The following APCDD1 variants were observed in gnomAD, a reference collection of about 807,000 sequenced individuals.
APCDD1 encodes the protein protein APCDD1.
A neutral mutation model predicts 38.1 loss-of-function variants in APCDD1; 15 were observed. The ratio of observed to expected loss-of-function variants is 0.39; its 90% CI spans 0.26 to 0.61. The LOEUF (loss-of-function observed/expected upper bound fraction) is 0.61. Among genes scored for constraint, APCDD1 ranks in the 20% least tolerant of loss-of-function variants. The probability of loss-of-function intolerance (pLI) is 0.49; values close to 1 mark genes in which losing one functional copy is unlikely to be tolerated. For synonymous variants in APCDD1, 261 were observed against 279.7 expected, an observed-to-expected ratio of 0.93 and a Z score of 0.67; for missense variants, 647 against 696.2, an observed-to-expected ratio of 0.93 and a Z score of 0.79.
chr18:10,468,908 T>G (rs1041494607), intron 2 of APCDD1, among the ~76,000 whole-genome samples: 1 of 152,234 alleles, frequency 6.6e-6, no homozygotes, highest in African/African-American at 2.4e-5. Context: ...AATAGATCCT[T>G]GTTTACTGAA....
intron 4 of APCDD1, among the ~76,000 whole-genome samples, chr18:10,487,353 T>C (rs1321536673): frequency 6.6e-6 from 1 of 152,206 alleles, no homozygotes; most frequent in African/African-American, 2.4e-5. Flanking sequence ...TGGTCTGTGT[T>C]GCATGGCCAC....
intron 3 of APCDD1, among the ~76,000 whole-genome samples, chr18:10,482,379 T>G (rs1022578324): frequency 6.6e-6 from 1 of 152,184 alleles, no homozygotes; most frequent in African/African-American, 2.4e-5. Flanking sequence ...CAGCTAGGCT[T>G]TGGGGACCTG....
intron 3 of APCDD1, among the ~76,000 whole-genome samples, chr18:10,473,016 G>C (rs1021656042): frequency 6.6e-6 from 1 of 152,094 alleles, no homozygotes; most frequent in Non-Finnish European, 1.5e-5. Context: ...GTATCTCCCC[G>C]GCCGTCCCCA....
In APCDD1 at chr18:10,468,601, G is replaced by A. The variant is rs2030774342; in HGVS notation, c.191G>A (p.Arg64Lys). The A allele has an allele frequency of 1.2e-6, 2 of 1,614,070 alleles. No individual in the cohort carries two copies. The highest frequency in any genetic ancestry group is 1.7e-6 in the Non-Finnish European group (2 of 1,180,038). Reference sequence around the variant, plus strand: ...CTCAAACATCTCCACAATGGTGCAAGGATCACAGTGCAGATGCCACCTACA... The same window carrying A: ...CTCAAACATCTCCACAATGGTGCAAAGATCACAGTGCAGATGCCACCTACA... Reference protein sequence around the residue: ...HMLKHLHNGARITVQMPPTIE... With the variant: ...HMLKHLHNGAKITVQMPPTIE... Residue 64 changes from arginine to lysine, a missense_variant, in exon 2 of 5, where the codon AGG becomes AAG. Transcript: ENST00000355285.
intron 1 of APCDD1, among the ~76,000 whole-genome samples, chr18:10,464,343 C>CACACAG (rs1432479914): frequency 1.3e-5 from 2 of 149,404 alleles, no homozygotes. Context: ...CACACACACA[C>CACACAG]AGACACACAC....
At chr18:10,479,257 C>T (rs947269078) in intron 3 of APCDD1, among the ~76,000 whole-genome samples, 1 of 152,194 alleles carries the variant, frequency 6.6e-6, no homozygotes, top group South Asian at 2.1e-4. Context: ...GGGAACAAAA[C>T]CCTAGGAAAG....
chr18:10,486,674 T>C (rs1320461821), intron 4 of APCDD1, among the ~76,000 whole-genome samples: 1 of 146,064 alleles, frequency 6.8e-6, no homozygotes, highest in Non-Finnish European at 1.5e-5. Flanking sequence ...GCAGGGCTTG[T>C]GGTTGCTATT....
chr18:10,466,323 G>T (rs1043124958), intron 1 of APCDD1, among the ~76,000 whole-genome samples: 5 of 152,216 alleles, frequency 3.3e-5, no homozygotes, highest in Non-Finnish European at 7.3e-5. Flanking sequence ...AACTAAGGGG[G>T]CGTTCAACAC....
At chr18:10,487,493 C>G in intron 4 of APCDD1, 97 bp from the exon 5 acceptor site, 1 of 1,252,950 alleles carries the variant, frequency 8.0e-7, no homozygotes, top group Non-Finnish European at 1.2e-6. Context: ...GAAAAGAAAG[C>G]CTTGTCTAGT....
At position 10,485,593 on chromosome 18, in the gene APCDD1, G is replaced by A; in HGVS notation, c.906G>A (p.Val302=). Residue 302 remains valine (V), a synonymous_variant, in exon 4 of 5, where the codon GTG becomes GTA. Coordinates refer to ENST00000355285, the MANE Select transcript of APCDD1 (RefSeq NM_153000.5). The surrounding 1 kb of genome is among the most constrained non-coding windows in gnomAD (Gnocchi z 5.8). ...AGTGGGTGAGCCAGCGCTGTGAGGT[G>A]CGCCCCGAAGTCCTCTTCCTCACCC... ...HGEWVSQRCE[V]RPEVLFLTRH... The A allele has an allele frequency of 5.6e-6, 9 of 1,614,046 alleles. No individual in the cohort carries two copies. Among genetic ancestry groups the A allele is most frequent in the Non-Finnish European group, 7.6e-6 (9 of 1,180,012 alleles).
chr18:10,461,645 T>C (rs1379750976), intron 1 of APCDD1, among the ~76,000 whole-genome samples: 1 of 152,174 alleles, frequency 6.6e-6, no homozygotes, highest in Non-Finnish European at 1.5e-5. Flanking sequence ...GATCATTATG[T>C]TTAATTTATA....
rs72982060 is a variant in APCDD1 at position 10,479,559 on chromosome 18, T to A, written c.775-5903T>A. 2.8e-3 allele frequency among the ~76,000 whole-genome samples: 430 copies of A among 152,122 alleles called. 2 individuals carry two copies. Among genetic ancestry groups the A allele is most frequent in the South Asian group, 8.7e-3 (42 of 4,814 alleles). Reference sequence around the variant, plus strand: ...GAGAAGACCTTTTCCTGGGCTGGAGTCCTTGCTGGGGAAACGTCTGTTCTC... The same window carrying A: ...GAGAAGACCTTTTCCTGGGCTGGAGACCTTGCTGGGGAAACGTCTGTTCTC... On this transcript the variant is annotated intron_variant, in intron 3 of 4. Coordinates refer to ENST00000355285, the MANE Select transcript of APCDD1 (RefSeq NM_153000.5).
In APCDD1 at chr18:10,467,194, C is replaced by A. The variant is rs1406869891; in HGVS notation, c.59-1275C>A. 1.3e-5 allele frequency among the ~76,000 whole-genome samples: 2 copies of A among 152,192 alleles called. No individual in the cohort carries two copies. The highest frequency in any genetic ancestry group is 3.8e-4 in the East Asian group (2 of 5,198). On this transcript the variant is annotated intron_variant, in intron 1 of 4. Coordinates refer to ENST00000355285, the MANE Select transcript of APCDD1 (RefSeq NM_153000.5). The surrounding 1 kb of genome is among the most constrained non-coding windows in gnomAD (Gnocchi z 4.8). ...GTCTCAGTTTATCCAGGTAGATTTT[C>A]GTCATGTTGCTGTAAGTGACTATAT...
chr18:10,456,594 A>G (rs974315647), intron 1 of APCDD1, among the ~76,000 whole-genome samples: 4 of 152,238 alleles, frequency 2.6e-5, no homozygotes, highest in African/African-American at 4.8e-5. Flanking sequence ...CTTTTAAACT[A>G]CAAAAGTGAT....
intron 4 of APCDD1, among the ~76,000 whole-genome samples, 180 bp from the exon 5 acceptor site, chr18:10,487,410 C>G (rs1201732913): frequency 6.6e-6 from 1 of 152,188 alleles, no homozygotes; most frequent in Non-Finnish European, 1.5e-5. Flanking sequence ...ACAGGTTGAA[C>G]TCTTCTCCGC....
chr18:10,480,930 CA>C (rs1185387743), intron 3 of APCDD1, among the ~76,000 whole-genome samples: 2 of 141,324 alleles, frequency 1.4e-5, no homozygotes, highest in Admixed American at 7.2e-5. Flanking sequence ...AGTCAACAAC[CA>C]AAAAAAATAA....
intron 1 of APCDD1, among the ~76,000 whole-genome samples, chr18:10,459,608 T>A (rs2030477792): frequency 6.6e-6 from 1 of 152,102 alleles, no homozygotes; most frequent in Non-Finnish European, 1.5e-5. Context: ...GCAAAAAAAA[T>A]GGTAATAAAA....
At chr18:10,473,411 G>A (rs2030912854) in intron 3 of APCDD1, among the ~76,000 whole-genome samples, 1 of 152,178 alleles carries the variant, frequency 6.6e-6, no homozygotes, top group Admixed American at 6.5e-5. Context: ...TGCCCTTGGG[G>A]GTTTGTTCCA....
chr18:10,455,249 G>A (rs1413571202), intron 1 of APCDD1, among the ~76,000 whole-genome samples: 1 of 152,220 alleles, frequency 6.6e-6, no homozygotes, highest in Non-Finnish European at 1.5e-5. Flanking sequence ...TCTCCCCCAG[G>A]GCGCCCGGAG....
Sources: gnomAD v4.1 joint callset for allele counts (sites outside exome capture counted in the v4.1 genomes callset) on GRCh38, gnomAD v4.1.1 for gene constraint, Gnocchi (gnomAD v3.1) non-coding constraint, MANE v1.5 for transcripts, NCBI Gene and HGNC (gene_info 2026-07-23, HGNC 2026-07-21) for gene names.